SPOCK1: variants seen among roughly 807,000 people sequenced by gnomAD.
SPOCK1 encodes SPARC (osteonectin), cwcv and kazal like domains proteoglycan 1.
Under a neutral mutation model 55.3 loss-of-function variants are expected in SPOCK1, and 23 were observed. The ratio of observed to expected loss-of-function variants is 0.42; its 90% CI spans 0.30 to 0.59. The LOEUF (loss-of-function observed/expected upper bound fraction) is 0.59, where lower values mean the gene tolerates loss of function less well. Ranked by LOEUF, SPOCK1 falls within the 20% of genes least tolerant of loss-of-function variation. The pLI, the probability that SPOCK1 is intolerant of heterozygous loss-of-function variation, is 0.22. For missense variants in SPOCK1, 499 were observed against 552.5 expected (o/e 0.90, Z 0.97); for synonymous variants, 226 against 221.0 (o/e 1.02, Z -0.20).
At chr5:137,023,960 ATTT>A (rs34202986) in intron 6 of SPOCK1, among the ~76,000 whole-genome samples, 8 of 129,876 alleles carry the variant, frequency 6.2e-5, no homozygotes, top group African/African-American at 1.1e-4. Context: ...TCAATATAGT[ATTT>A]TTTTTTTTTT....
At chr5:136,995,601 G>T (rs569284180) in intron 6 of SPOCK1, among the ~76,000 whole-genome samples, 1 of 152,128 alleles carries the variant, frequency 6.6e-6, no homozygotes, top group Non-Finnish European at 1.5e-5. Flanking sequence ...ATTGCCATGC[G>T]CACCATCTAT....
At chr5:137,076,848 C>A (rs778603175) in intron 5 of SPOCK1, among the ~76,000 whole-genome samples, 7 of 152,168 alleles carry the variant, frequency 4.6e-5, no homozygotes, top group Non-Finnish European at 8.8e-5. Context: ...TTAATACATT[C>A]ATTCTATAGA....
chr5:137,001,474 C>T (rs1751148133), intron 6 of SPOCK1, among the ~76,000 whole-genome samples: 1 of 152,152 alleles, frequency 6.6e-6, no homozygotes, highest in African/African-American at 2.4e-5. Flanking sequence ...GAATTCAAGC[C>T]CAGCTCTCTC....
chr5:137,063,649 T>C (rs1010151116), intron 6 of SPOCK1, among the ~76,000 whole-genome samples: 1 of 152,144 alleles, frequency 6.6e-6, no homozygotes, highest in Non-Finnish European at 1.5e-5. Context: ...CAGGTGAGTG[T>C]TGGATTCTCC....
intron 2 of SPOCK1, among the ~76,000 whole-genome samples, chr5:137,339,438 C>T (rs1750364374): frequency 6.6e-6 from 1 of 152,184 alleles, no homozygotes; most frequent in African/African-American, 2.4e-5. Context: ...TTAAGACTGG[C>T]CCTGCTGCAG....
intron 2 of SPOCK1, among the ~76,000 whole-genome samples, chr5:137,372,366 G>A (rs1013081050): frequency 6.6e-6 from 1 of 152,154 alleles, no homozygotes; most frequent in African/African-American, 2.4e-5. Context: ...AGCAATAGAA[G>A]CTTGATCTTT....
intron 2 of SPOCK1, among the ~76,000 whole-genome samples, chr5:137,323,895 C>T (rs752741996): frequency 2.0e-5 from 3 of 151,936 alleles, no homozygotes; most frequent in Non-Finnish European, 2.9e-5. Context: ...TTAGTACAGC[C>T]ATTACGGAAA....
intron 5 of SPOCK1, among the ~76,000 whole-genome samples, chr5:137,087,137 C>A (rs539417582): frequency 6.6e-6 from 1 of 152,268 alleles, no homozygotes; most frequent in Middle Eastern, 3.4e-3. Context: ...AGCTTCCTAC[C>A]GGGAATGGTG....
At chr5:137,258,553 G>A (rs1756684269) in intron 3 of SPOCK1, among the ~76,000 whole-genome samples, 1 of 152,152 alleles carries the variant, frequency 6.6e-6, no homozygotes, top group South Asian at 2.1e-4. Flanking sequence ...TTAAAATTCA[G>A]CTGACATTTT....
intron 2 of SPOCK1, among the ~76,000 whole-genome samples, chr5:137,490,668 C>A (rs1754157029): frequency 6.6e-6 from 1 of 152,202 alleles, no homozygotes; most frequent in Admixed American, 6.5e-5. Flanking sequence ...ACGGGGCTCC[C>A]AAGAGCAACC....
At chr5:137,370,843 C>T (rs1163320692) in intron 2 of SPOCK1, among the ~76,000 whole-genome samples, 1 of 152,238 alleles carries the variant, frequency 6.6e-6, no homozygotes, top group Non-Finnish European at 1.5e-5. Flanking sequence ...CTCTGCCTCT[C>T]CAGGGTCTTG....
intron 3 of SPOCK1, among the ~76,000 whole-genome samples, chr5:137,196,726 A>T (rs1160514837): frequency 6.6e-6 from 1 of 152,142 alleles, no homozygotes; most frequent in Non-Finnish European, 1.5e-5. Flanking sequence ...TAAAATTTAC[A>T]TTTATTTATG....
chr5:136,986,044 T>C (rs757020260), intron 8 of SPOCK1, among the ~76,000 whole-genome samples: 6 of 152,272 alleles, frequency 3.9e-5, no homozygotes, highest in Non-Finnish European at 7.3e-5. Context: ...TAAGCAACCA[T>C]TTACAACTCT....
At chr5:137,302,509 A>T in intron 2 of SPOCK1, among the ~76,000 whole-genome samples, 1 of 151,772 alleles carries the variant, frequency 6.6e-6, no homozygotes, top group Non-Finnish European at 1.5e-5. Context: ...CCTGGGAGGC[A>T]GAGCTTGCAG....
chr5:137,421,051 T>C (rs1446384623), intron 2 of SPOCK1, among the ~76,000 whole-genome samples: 1 of 152,264 alleles, frequency 6.6e-6, no homozygotes, highest in Admixed American at 6.5e-5. Context: ...CATTTCGTTA[T>C]GTACCCAGTA....
At chr5:137,024,338 C>G (rs563551330) in intron 6 of SPOCK1, among the ~76,000 whole-genome samples, 1 of 146,490 alleles carries the variant, frequency 6.8e-6, no homozygotes, top group East Asian at 2.0e-4. Flanking sequence ...TTACAACTGA[C>G]TGCTCATGTT....
At chr5:137,230,738 TG>T (rs1240437287) in intron 3 of SPOCK1, among the ~76,000 whole-genome samples, 1 of 152,198 alleles carries the variant, frequency 6.6e-6, no homozygotes, top group Non-Finnish European at 1.5e-5. Context: ...ATCTTTTTAT[TG>T]AATTTTTTTG....
intron 3 of SPOCK1, among the ~76,000 whole-genome samples, chr5:137,156,504 T>C (rs6866078): frequency 0.053 from 8,063 of 152,190 alleles, 732 homozygotes; most frequent in African/African-American, 0.18. Flanking sequence ...CAACCAATAA[T>C]TCATGTGTGT....
intron 9 of SPOCK1, among the ~76,000 whole-genome samples, chr5:136,980,094 A>G (rs1750700009): frequency 6.6e-6 from 1 of 152,062 alleles, no homozygotes. Context: ...GTAATTAATA[A>G]TAGCTAAGTG....
Sources: gnomAD v4.1 joint callset for allele counts (sites outside exome capture counted in the v4.1 genomes callset) on GRCh38, gnomAD v4.1.1 for gene constraint, MANE v1.5 for transcripts, NCBI Gene and HGNC (gene_info 2026-07-23, HGNC 2026-07-21) for gene names.